The following CHRM5 variants were observed in gnomAD, a reference collection of about 807,000 sequenced individuals.
CHRM5 encodes the protein muscarinic acetylcholine receptor M5.
In CHRM5, 18 loss-of-function variants were observed where a neutral mutation model predicts 39.0. The ratio of observed to expected loss-of-function variants is 0.46; its 90% confidence interval spans 0.32 to 0.68. The LOEUF (loss-of-function observed/expected upper bound fraction) is 0.68. Among genes scored for constraint, CHRM5 ranks in the 30% least tolerant of loss-of-function variants. The pLI, the probability that CHRM5 is intolerant of heterozygous loss-of-function variation, is 0.04. For missense variants in CHRM5, 515 were observed against 651.1 expected (o/e 0.79, Z 2.28); for synonymous variants, 241 against 246.3 (o/e 0.98, Z 0.20).
intron 1 of CHRM5, among the ~76,000 whole-genome samples, chr15:34,036,519 GTCAA>G (rs1899135650): frequency 6.6e-6 from 1 of 152,142 alleles, no homozygotes; most frequent in Admixed American, 6.5e-5. Context: ...CTTCAGGAAA[GTCAA>G]TCAATCTTGT....
intron 1 of CHRM5, among the ~76,000 whole-genome samples, chr15:34,014,369 A>AT (rs1274332317): frequency 3.1e-5 from 1 of 32,330 alleles, no homozygotes; most frequent in African/African-American, 5.3e-5. Context: ...CATCTCATTA[A>AT]AAAAAAAAAA....
chr15:33,975,161 A>G (rs1895830240), intron 1 of CHRM5, among the ~76,000 whole-genome samples: 1 of 151,504 alleles, frequency 6.6e-6, no homozygotes, highest in African/African-American at 2.4e-5. Flanking sequence ...TCTCTTCTAC[A>G]CTCTCTCCTC....
rs145672239 is a variant in CHRM5 at position 34,053,616 on chromosome 15, G to A, written c.-76+6745G>A. On this transcript the variant is annotated intron_variant, in intron 2 of 2. Coordinates refer to ENST00000383263, the MANE Select transcript of CHRM5 (RefSeq NM_012125.4). ...TTTCATAAATGGTGCTGAGAGAACT[G>A]GCTAGCTATATGCAGAAAATTGAAA... is the stretch of plus-strand genomic sequence containing the variant. 9.2e-5 allele frequency among the ~76,000 whole-genome samples: 14 copies of A among 152,058 alleles called. No individual in the cohort carries two copies. In the East Asian group the frequency reaches 2.7e-3, roughly 29 times the overall value.
intron 1 of CHRM5, among the ~76,000 whole-genome samples, chr15:33,985,823 T>C (rs1410306735): frequency 6.6e-6 from 1 of 152,138 alleles, no homozygotes; most frequent in Non-Finnish European, 1.5e-5. Flanking sequence ...TTCTATTAAT[T>C]TCTAGGAAAT....
intron 1 of CHRM5, among the ~76,000 whole-genome samples, chr15:33,974,206 A>C (rs1362517575): frequency 1.3e-5 from 2 of 152,190 alleles, no homozygotes; most frequent in Non-Finnish European, 2.9e-5. Flanking sequence ...AAGTGACTTC[A>C]GGGGAATTTG....
At chr15:34,055,441 G>T (rs916650234) in intron 2 of CHRM5, among the ~76,000 whole-genome samples, 1 of 150,576 alleles carries the variant, frequency 6.6e-6, no homozygotes, top group Non-Finnish European at 1.5e-5. Flanking sequence ...GGAGGAAGAG[G>T]TTACAGTGAG....
Position 34,063,123 on chromosome 15 carries a change from T to C in CHRM5, c.406T>C (p.Leu136=). 4 of 1,614,208 alleles carry C rather than the reference T, an allele frequency of 2.5e-6. No homozygotes were observed. Among genetic ancestry groups the C allele is most frequent in the Non-Finnish European group, 3.4e-6 (4 of 1,180,030 alleles). ...CCGTTACTTTTCCATCACAAGACCC[T>C]TGACATATCGGGCCAAGCGTACTCC... The part of the protein sequence containing the change: ...FDRYFSITRP[L]TYRAKRTPKR... Residue 136 remains leucine (L), a synonymous_variant, in exon 3 of 3, where the codon TTG becomes CTG. Transcript: ENST00000383263. The surrounding 1 kb of genome is among the most constrained non-coding windows in gnomAD (Gnocchi z 4.1).
intron 1 of CHRM5, among the ~76,000 whole-genome samples, chr15:34,040,581 GTC>G: frequency 6.6e-6 from 1 of 152,178 alleles, no homozygotes; most frequent in African/African-American, 2.4e-5. Context: ...AGCTAGTGTT[GTC>G]TCCATTTTAC....
At chr15:33,998,459 C>A (rs774298024) in intron 1 of CHRM5, among the ~76,000 whole-genome samples, 1 of 152,078 alleles carries the variant, frequency 6.6e-6, no homozygotes, top group Non-Finnish European at 1.5e-5. Flanking sequence ...CCTGTCACTA[C>A]AAAAGAAATG....
chr15:34,024,688 TA>T (rs58379586), intron 1 of CHRM5, among the ~76,000 whole-genome samples: 15,773 of 131,888 alleles, frequency 0.12, 1,057 homozygotes, highest in East Asian at 0.34. Context: ...CCGTCTCTAC[TA>T]AAAAAAAAAA....
chr15:33,989,299 C>G (rs1466922567), intron 1 of CHRM5, among the ~76,000 whole-genome samples: 1 of 152,084 alleles, frequency 6.6e-6, no homozygotes, highest in African/African-American at 2.4e-5. Flanking sequence ...TATATTCTAA[C>G]CCAACAGTTT....
intron 1 of CHRM5, among the ~76,000 whole-genome samples, chr15:33,976,615 T>G (rs544934249): frequency 6.0e-4 from 91 of 152,282 alleles, no homozygotes; most frequent in African/African-American, 2.1e-3. Flanking sequence ...TTATTTAGGC[T>G]TTTTAAGTAT....
At chr15:34,030,744 G>A (rs1898748719) in intron 1 of CHRM5, among the ~76,000 whole-genome samples, 1 of 152,088 alleles carries the variant, frequency 6.6e-6, no homozygotes, top group African/African-American at 2.4e-5. Context: ...GGCCTCCTGA[G>A]TAGGTGGGAA....
chr15:34,065,295 A>G lies in CHRM5; in HGVS notation c.*979A>G, dbSNP rs1026969476. 3 of 152,216 alleles carry G rather than the reference A, an allele frequency of 2.0e-5. No homozygotes were observed. Among genetic ancestry groups the G allele is most frequent in the Non-Finnish European group, 4.4e-5 (3 of 68,048 alleles). 9.4% of individuals were successfully genotyped at this position (152,216 alleles called of 1,614,324 possible). ...ATTGTTTTCAGAGATCTTGCTTTCT[A>G]ATCTCTTCACAGGGCAAACCTGAGC... On this transcript the variant is annotated 3_prime_UTR_variant, in exon 3 of 3. Coordinates refer to ENST00000383263, the MANE Select transcript of CHRM5 (RefSeq NM_012125.4).
At chr15:34,061,157 A>C (rs1184112371) in intron 2 of CHRM5, among the ~76,000 whole-genome samples, 2 of 152,150 alleles carry the variant, frequency 1.3e-5, no homozygotes, top group African/African-American at 2.4e-5. Flanking sequence ...GTTACCTCTG[A>C]AAATGGGGAG....
At chr15:34,014,777 T>C (rs1482709761) in intron 1 of CHRM5, among the ~76,000 whole-genome samples, 1 of 152,188 alleles carries the variant, frequency 6.6e-6, no homozygotes, top group Non-Finnish European at 1.5e-5. Flanking sequence ...AATTTGCAGC[T>C]AAGGCTGAAG....
chr15:34,049,560 G>A (rs1899853555), intron 2 of CHRM5, among the ~76,000 whole-genome samples: 1 of 152,154 alleles, frequency 6.6e-6, no homozygotes, highest in Non-Finnish European at 1.5e-5. Flanking sequence ...ATGACTGATT[G>A]GGGTACCTGA....
At chr15:34,020,024 G>A (rs1011718627) in intron 1 of CHRM5, among the ~76,000 whole-genome samples, 1 of 152,180 alleles carries the variant, frequency 6.6e-6, no homozygotes, top group Non-Finnish European at 1.5e-5. Flanking sequence ...CAAAATAGAG[G>A]TTTTAGGCTG....
chr15:34,013,907 C>A (rs532843518), intron 1 of CHRM5, among the ~76,000 whole-genome samples: 1 of 152,278 alleles, frequency 6.6e-6, no homozygotes, highest in Non-Finnish European at 1.5e-5. Context: ...ACTGAAGGAA[C>A]GGCTGCTATC....
Sources: gnomAD v4.1 joint callset for allele counts (sites outside exome capture counted in the v4.1 genomes callset) on GRCh38, gnomAD v4.1.1 for gene constraint, Gnocchi (gnomAD v3.1) non-coding constraint, MANE v1.5 for transcripts, NCBI Gene and HGNC (gene_info 2026-07-23, HGNC 2026-07-21) for gene names.